The following ECI2 variants were observed in gnomAD, a reference collection of about 807,000 sequenced individuals.
The protein encoded by ECI2 is enoyl-CoA delta isomerase 2.
Under a neutral mutation model 38.4 loss-of-function variants are expected in ECI2, and 27 were observed. That is an observed-to-expected ratio of 0.70 (90% CI 0.52 to 0.97). The LOEUF is 0.97. ECI2 is among the 50% of genes least tolerant of loss of function. ECI2 has a pLI of 0.00. For missense variants in ECI2, 470 were observed against 474.4 expected (o/e 0.99, Z 0.09); for synonymous variants, 168 against 172.0 (o/e 0.98, Z 0.18).
intron 7 of ECI2, 44 bp from the exon 8 acceptor site, chr6:4,119,319 A>ATT (rs34320283): frequency 7.0e-4 from 824 of 1,170,828 alleles, no homozygotes; most frequent in South Asian, 8.3e-4. Flanking sequence ...TTCATGTGTG[A>ATT]TTTTTTTTTT....
rs201699040 is a variant in ECI2 at position 4,122,314 on chromosome 6, G to T, written c.795+2936C>A. 7.3e-5 allele frequency among the ~76,000 whole-genome samples: 11 copies of T among 151,090 alleles called. 1 individual carries two copies. The highest frequency in any genetic ancestry group is 2.7e-4 in the African/African-American group (11 of 41,116). ...CAACTCGCTGCAACCTCCGCCTCCC[G>T]GGTTCAAGCGATTCTCCTGCCTCAG... On this transcript the variant is annotated intron_variant, in intron 7 of 9. Coordinates refer to ENST00000380118, the MANE Select transcript of ECI2 (RefSeq NM_206836.3).
intron 4 of ECI2, among the ~76,000 whole-genome samples, chr6:4,128,976 A>G (rs1285068436): frequency 1.3e-5 from 2 of 152,172 alleles, no homozygotes; most frequent in Non-Finnish European, 2.9e-5. Flanking sequence ...TATTATAGTT[A>G]TGATAACACC....
chr6:4,129,001 C>T (rs1773352898), intron 4 of ECI2, among the ~76,000 whole-genome samples: 1 of 152,172 alleles, frequency 6.6e-6, no homozygotes, highest in African/African-American at 2.4e-5. Flanking sequence ...AGCAGGGCGA[C>T]TGGTGAGACC....
rs773314096 is a variant in ECI2 at position 4,135,556 on chromosome 6, G to A, written c.5C>T (p.Ala2Val). The change falls in exon 1 of 10, where the codon GCG becomes GTG. Residue 2 changes from alanine to valine, a missense_variant. Physicochemically the swap from Ala to Val is moderately conservative, Grantham distance 64. Transcript: ENST00000380118. ...CAGTCTCCAAGCCAAGTACGCCATC[G>A]CCATCCCTTGGGCGGCTCTAGGGCT... Reference protein sequence around the residue: MAMAYLAWRLAR... With the variant: MVMAYLAWRLAR... 1.2e-5 allele frequency: 19 copies of A among 1,535,954 alleles called. No homozygotes were observed. Among genetic ancestry groups the A allele is most frequent in the Non-Finnish European group, 1.5e-5 (17 of 1,135,788 alleles).
In ECI2 at chr6:4,119,408, C is replaced by G. The variant is rs1772526147; in HGVS notation, c.796-133G>C. The stretch of plus-strand genomic sequence containing the variant: ...CGATCTCGGCTCACTGCAACCTCCA[C>G]CCCTTGGGTTCAAGCGATTCTCCTG... On this transcript the variant is annotated intron_variant, in intron 7 of 9. Transcript: ENST00000380118. The G allele has an allele frequency of 1.2e-5, 7 of 589,132 alleles. No homozygotes were observed. The South Asian group carries it at 1.4e-4, about 12-fold the overall frequency. The allele number at this position is 589,132 out of a possible 1,614,324, so 36.5% of individuals were successfully genotyped here. A position where few individuals can be genotyped will look rare whatever the true frequency, so the allele number is the denominator to read the frequency against.
chr6:4,125,942 G>T, intron 6 of ECI2, 193 bp downstream of exon 6: 1 of 681,624 alleles, frequency 1.5e-6, no homozygotes, highest in Non-Finnish European at 2.7e-6. Context: ...AGGATGAACA[G>T]GTAACAGAGG....
At chr6:4,122,401 A>G (rs1264819442) in intron 7 of ECI2, among the ~76,000 whole-genome samples, 4 of 152,052 alleles carry the variant, frequency 2.6e-5, no homozygotes, top group Non-Finnish European at 5.9e-5. Flanking sequence ...TTGTATTTTT[A>G]GTAGAGACGG....
chr6:4,130,323 TAGA>T (rs1561658355), intron 4 of ECI2, 46 bp downstream of exon 4: 4 of 1,613,954 alleles, frequency 2.5e-6, no homozygotes, highest in Non-Finnish European at 3.4e-6. Context: ...GTGAAACACA[TAGA>T]AGAAGAAAGT....
At chr6:4,135,442 G>A (rs1176738615) in intron 1 of ECI2, 69 bp downstream of exon 1, 2 of 1,608,238 alleles carry the variant, frequency 1.2e-6, no homozygotes, top group African/African-American at 1.3e-5. Flanking sequence ...TCCAACGGCG[G>A]CGACCTTCGC....
Position 4,117,466 on chromosome 6 carries a change from A to T in ECI2, c.886-15T>A, listed in dbSNP as rs756363416. ...ATCTCTGTTGCCTGAAATGAAAAGC[A>T]AGAAGCAAGGTTAAGATACTAACTT... is the stretch of plus-strand genomic sequence containing the variant. On this transcript the variant is annotated splice_polypyrimidine_tract_variant and intron_variant, in intron 8 of 9. Transcript: ENST00000380118. 19 of 1,608,692 alleles carry T rather than the reference A, an allele frequency of 1.2e-5. No individual in the cohort carries two copies. In the South Asian group the frequency reaches 2.1e-4, roughly 18 times the overall value.
At position 4,135,567 on chromosome 6, in the gene ECI2, G is replaced by A. The variant is rs755677597; in HGVS notation, c.-7C>T. 6.2e-7 allele frequency: 1 copy of A among 1,607,470 alleles called. No individual in the cohort carries two copies. The highest frequency in any genetic ancestry group is 8.5e-7 in the Non-Finnish European group (1 of 1,178,418). ...CCAAGTACGCCATCGCCATCCCTTG[G>A]GCGGCTCTAGGGCTGCGGGGGCTCG... On this transcript the variant is annotated 5_prime_UTR_variant, in exon 1 of 10. Coordinates refer to ENST00000380118, the MANE Select transcript of ECI2 (RefSeq NM_206836.3).
At chr6:4,132,927 C>G (rs1773562912) in intron 2 of ECI2, among the ~76,000 whole-genome samples, 1 of 152,016 alleles carries the variant, frequency 6.6e-6, no homozygotes, top group Non-Finnish European at 1.5e-5. Context: ...ACCAGTCCAG[C>G]TCATTTTTGA....
At position 4,125,231 on chromosome 6, in the gene ECI2, T is replaced by G; in HGVS notation, c.795+19A>C. 1 of 1,613,152 alleles carries G rather than the reference T, an allele frequency of 6.2e-7. No individual in the cohort carries two copies. Among genetic ancestry groups the G allele is most frequent in the Non-Finnish European group, 8.5e-7 (1 of 1,179,522 alleles). On this transcript the variant is annotated intron_variant, in intron 7 of 9. Coordinates refer to ENST00000380118, the MANE Select transcript of ECI2 (RefSeq NM_206836.3). ...TCGCGCTGCTTGCCTGACCTCTTGC[T>G]TTCTAGGAGCTGACTTACCCTGTCA... is the stretch of plus-strand genomic sequence containing the variant.
At chr6:4,117,029 G>C (rs1374627434) in intron 9 of ECI2, among the ~76,000 whole-genome samples, 1 of 152,192 alleles carries the variant, frequency 6.6e-6, no homozygotes, top group African/African-American at 2.4e-5. Flanking sequence ...AAGTAAAAGT[G>C]CTCAGCAAAT....
In ECI2 at chr6:4,127,404, C is replaced by CTT. The variant is rs71001567; in HGVS notation, c.571+356_571+357dup. 3.0e-3 allele frequency among the ~76,000 whole-genome samples: 230 copies of CTT among 75,898 alleles called. 43 individuals are homozygous for CTT. Among genetic ancestry groups the CTT allele is most frequent in the African/African-American group, 0.01 (190 of 18,318 alleles). 49.8% of individuals were successfully genotyped at this position (75,898 alleles called of 152,430 possible). On this transcript the variant is annotated intron_variant, in intron 5 of 9. Transcript: ENST00000380118. ...ACAGTACTGGAAAAGATCTTAGAGC[C>CTT]TTTTTTTTTTTTTTTTTTTTTTTTT... is the stretch of plus-strand genomic sequence containing the variant.
At chr6:4,123,609 T>C (rs1471751233) in intron 7 of ECI2, among the ~76,000 whole-genome samples, 2 of 151,256 alleles carry the variant, frequency 1.3e-5, no homozygotes, top group East Asian at 3.9e-4. Context: ...TATGTATATA[T>C]GTTTTCTGAT....
At chr6:4,124,127 A>G (rs1406439659) in intron 7 of ECI2, among the ~76,000 whole-genome samples, 1 of 152,210 alleles carries the variant, frequency 6.6e-6, no homozygotes, top group Admixed American at 6.5e-5. Flanking sequence ...AAGCAGGTCA[A>G]TGACTAATCA....
At chr6:4,127,912 T>A in intron 4 of ECI2, 81 bp from the exon 5 acceptor site, 3 of 1,375,110 alleles carry the variant, frequency 2.2e-6, no homozygotes, top group Non-Finnish European at 3.0e-6. Context: ...AATGTCAGGC[T>A]GCAAGCTTGC....
At chr6:4,129,292 T>G (rs757889670) in intron 4 of ECI2, among the ~76,000 whole-genome samples, 3 of 152,098 alleles carry the variant, frequency 2.0e-5, no homozygotes, top group Non-Finnish European at 4.4e-5. Context: ...TTTTGTATCT[T>G]TAGTAGAGAT....
Sources: gnomAD v4.1 joint callset for allele counts (sites outside exome capture counted in the v4.1 genomes callset) on GRCh38, gnomAD v4.1.1 for gene constraint, MANE v1.5 for transcripts, NCBI Gene and HGNC (gene_info 2026-07-23, HGNC 2026-07-21) for gene names.